The following OSBPL1A variants were observed in gnomAD, a reference collection of about 807,000 sequenced individuals.
OSBPL1A encodes the protein oxysterol binding protein like 1A.
Under a neutral mutation model 137.1 loss-of-function variants are expected in OSBPL1A, and 80 were observed. The observed-to-expected ratio is 0.58, with a 90% confidence interval of 0.49 to 0.70. The LOEUF is 0.70. OSBPL1A is among the 30% of genes least tolerant of loss of function. The pLI, the probability that OSBPL1A is intolerant of heterozygous loss-of-function variation, is 0.00. For missense variants in OSBPL1A, 970 were observed against 1,129.4 expected, an observed-to-expected ratio of 0.86 and a Z score of 2.02; for synonymous variants, 365 against 389.7, an observed-to-expected ratio of 0.94 and a Z score of 0.75.
chr18:24,349,793 C>T (rs905862859), intron 4 of OSBPL1A, among the ~76,000 whole-genome samples: 1 of 151,884 alleles, frequency 6.6e-6, no homozygotes, highest in Non-Finnish European at 1.5e-5. Flanking sequence ...AAAAAGCCCC[C>T]AACCACAGAT....
At chr18:24,206,879 C>A (rs1353206545) in intron 17 of OSBPL1A, among the ~76,000 whole-genome samples, 2 of 152,188 alleles carry the variant, frequency 1.3e-5, no homozygotes, top group East Asian at 3.8e-4. Context: ...ATCTGCCACT[C>A]AGAGTGTAAT....
chr18:24,189,882 T>G (rs1384259110), intron 18 of OSBPL1A, among the ~76,000 whole-genome samples: 1 of 151,748 alleles, frequency 6.6e-6, no homozygotes, highest in African/African-American at 2.4e-5. Flanking sequence ...GGGGCCAGAG[T>G]GAAAGACACG....
At chr18:24,361,759 C>G (rs1361244141) in intron 4 of OSBPL1A, among the ~76,000 whole-genome samples, 1 of 152,012 alleles carries the variant, frequency 6.6e-6, no homozygotes, top group Non-Finnish European at 1.5e-5. Flanking sequence ...CCTCCTATAA[C>G]CCCAGCACTT....
intron 19 of OSBPL1A, 61 bp from the exon 20 acceptor site, chr18:24,179,896 G>C (rs770598147): frequency 7.2e-7 from 1 of 1,383,570 alleles, no homozygotes; most frequent in East Asian, 2.3e-5. Context: ...ATTCTTTTAG[G>C]AACTGAAATT....
intron 15 of OSBPL1A, among the ~76,000 whole-genome samples, chr18:24,242,692 A>T (rs2088742135): frequency 6.6e-6 from 1 of 152,228 alleles, no homozygotes. Context: ...CAGGCACTTT[A>T]GTGTTTATCA....
chr18:24,195,054 T>C (rs540341306), intron 18 of OSBPL1A, among the ~76,000 whole-genome samples: 1 of 152,146 alleles, frequency 6.6e-6, no homozygotes, highest in South Asian at 2.1e-4. Flanking sequence ...ATCCCAACAC[T>C]TTGGAAGGCT....
intron 15 of OSBPL1A, among the ~76,000 whole-genome samples, chr18:24,242,042 C>T (rs182609199): frequency 2.0e-5 from 3 of 150,486 alleles, no homozygotes; most frequent in East Asian, 3.9e-4. Flanking sequence ...AATCAAACAC[C>T]GAATGTTCTC....
At chr18:24,257,853 A>ATATT (rs2089328748) in intron 15 of OSBPL1A, among the ~76,000 whole-genome samples, 3 of 152,212 alleles carry the variant, frequency 2.0e-5, no homozygotes, top group African/African-American at 4.8e-5. Context: ...AGACATACAA[A>ATATT]TGGAAAACAG....
intron 13 of OSBPL1A, among the ~76,000 whole-genome samples, chr18:24,306,053 CTATT>C (rs2090494790): frequency 6.6e-6 from 1 of 152,156 alleles, no homozygotes; most frequent in South Asian, 2.1e-4. Context: ...GTTTTAATTT[CTATT>C]TATTTATTCT....
At chr18:24,303,117 C>T (rs1257326902) in intron 14 of OSBPL1A, among the ~76,000 whole-genome samples, 1 of 152,120 alleles carries the variant, frequency 6.6e-6, no homozygotes, top group African/African-American at 2.4e-5. Flanking sequence ...TCTCCTGCCT[C>T]AGCCTCCCGA....
At chr18:24,370,520 G>A (rs903626699) in intron 2 of OSBPL1A, among the ~76,000 whole-genome samples, 4 of 151,956 alleles carry the variant, frequency 2.6e-5, no homozygotes, top group Non-Finnish European at 5.9e-5. Flanking sequence ...TAAGGTCAGG[G>A]ACCCACTGCC....
intron 4 of OSBPL1A, among the ~76,000 whole-genome samples, chr18:24,355,347 C>CA (rs1221780487): frequency 6.6e-6 from 1 of 151,366 alleles, no homozygotes; most frequent in South Asian, 2.1e-4. Context: ...ACTAAAAATA[C>CA]AAAAAATAGC....
chr18:24,262,621 A>G (rs113123936), intron 15 of OSBPL1A, among the ~76,000 whole-genome samples: 272 of 152,364 alleles, frequency 1.8e-3, no homozygotes, highest in Non-Finnish European at 2.8e-3. Flanking sequence ...CTTTATGTTA[A>G]GTGTATGATT....
Position 24,312,070 on chromosome 18 carries a change from T to C in OSBPL1A, c.1006A>G (p.Ser336Gly). The change falls in exon 13 of 28, where the codon AGC becomes GGC. Residue 336 changes from serine to glycine, a missense_variant. Physicochemically the swap from Ser to Gly is moderately conservative, Grantham distance 56 (BLOSUM62 0). This residue lies in a region of OSBPL1A where 647 missense variants were observed against 672.6 expected (regional missense o/e 0.96). Coordinates refer to ENST00000319481, the MANE Select transcript of OSBPL1A (RefSeq NM_080597.4). ...LEAIEEHSAY[S>G]THYCSQDQLT... ...TGGTCCTGGGAACAGTAGTGAGTGC[T>C]GTAAGCAGAATGTTCTTCTATTGCT... 1 of 1,614,134 alleles carries C rather than the reference T, an allele frequency of 6.2e-7. No homozygotes were observed. Among genetic ancestry groups the C allele is most frequent in the Non-Finnish European group, 8.5e-7 (1 of 1,179,978 alleles).
chr18:24,357,057 T>C (rs1030110), intron 4 of OSBPL1A: 103,808 of 152,172 alleles, frequency 0.68, 36,156 homozygotes, highest in East Asian at 0.84. Flanking sequence ...TCTGGGAATC[T>C]GGCAGCAAAT....
chr18:24,281,482 G>A (rs1048414341), intron 14 of OSBPL1A, among the ~76,000 whole-genome samples: 2 of 151,724 alleles, frequency 1.3e-5, no homozygotes, highest in Non-Finnish European at 2.9e-5. Flanking sequence ...TCACCTCCCG[G>A]GTTCAAGAGA....
chr18:24,275,670 G>GACCCT (rs1037073346), intron 15 of OSBPL1A, among the ~76,000 whole-genome samples: 1 of 151,824 alleles, frequency 6.6e-6, no homozygotes, highest in African/African-American at 2.4e-5. Context: ...CAACCCTTCA[G>GACCCT]ACGGTTCCAA....
intron 11 of OSBPL1A, among the ~76,000 whole-genome samples, chr18:24,315,857 A>T (rs1464952759): frequency 1.5e-5 from 1 of 65,524 alleles, no homozygotes; most frequent in Non-Finnish European, 3.0e-5. Flanking sequence ...TAAAATATAT[A>T]ATATATAGTA....
intron 16 of OSBPL1A, among the ~76,000 whole-genome samples, chr18:24,226,066 T>C (rs139305046): frequency 2.6e-5 from 4 of 152,300 alleles, no homozygotes; most frequent in East Asian, 1.9e-4. Flanking sequence ...CCTATAGTAA[T>C]TGTCAGGCAG....
Sources: allele counts gnomAD v4.1 joint callset (sites outside exome capture counted in the v4.1 genomes callset), GRCh38; gene constraint gnomAD v4.1.1; regional missense constraint gnomAD v4.1.1; transcripts MANE v1.5; gene names NCBI Gene and HGNC (gene_info 2026-07-23, HGNC 2026-07-21).